Variants in KMT2C observed in about 807,000 individuals in gnomAD.
The protein encoded by KMT2C is lysine methyltransferase 2C, also known as histone-lysine N-methyltransferase 2C.
KMT2C carries 88 observed loss-of-function variants against 507.9 expected under a neutral mutation model. The ratio of observed to expected loss-of-function variants is 0.17; its 90% CI spans 0.15 to 0.21. The LOEUF (loss-of-function observed/expected upper bound fraction) is 0.21. Ranked by LOEUF, KMT2C falls within the 10% of genes least tolerant of loss-of-function variation. KMT2C has a pLI of 1.00. For synonymous variants in KMT2C, 2,049 were observed against 2,080.8 expected (o/e 0.98, Z 0.42); for missense variants, 4,954 against 5,957.8 (o/e 0.83, Z 5.55).
intron 34 of KMT2C, among the ~76,000 whole-genome samples, chr7:152,183,887 A>C (rs1442854179): frequency 7.0e-6 from 1 of 141,922 alleles, no homozygotes; most frequent in Non-Finnish European, 1.5e-5. Context: ...CAAGAGCAAA[A>C]CTCTGTCTCA....
rs992987667 is a variant in KMT2C, at chr7:152,194,067, C to T, written c.4602G>A (p.Gln1534=). Residue 1534 remains glutamine (Q), a synonymous_variant, in exon 31 of 59, where the codon CAG becomes CAA. Transcript: ENST00000262189. ...GGGGAGGCTGTGGCAATGGAGTTGGCTGAGTGTTCGCAGGACTAAGTACAG... is the reference window on the plus strand; with the variant it reads ...GGGGAGGCTGTGGCAATGGAGTTGGTTGAGTGTTCGCAGGACTAAGTACAG... ...FTAVLSPANT[Q]PTPLPQPPPP... is the part of the protein sequence containing the mutation. 1 of 1,593,674 alleles carries T rather than the reference C, an allele frequency of 6.3e-7. No homozygotes were observed. The highest frequency in any genetic ancestry group is 8.5e-7 in the Non-Finnish European group (1 of 1,173,380).
At chr7:152,296,382 C>T (rs868509822) in intron 6 of KMT2C, among the ~76,000 whole-genome samples, 3 of 148,688 alleles carry the variant, frequency 2.0e-5, no homozygotes, top group Non-Finnish European at 4.4e-5. Context: ...TGCAGTGAGC[C>T]GAGATCGCGC....
chr7:152,330,473 A>C, intron 3 of KMT2C, 128 bp downstream of exon 3: 1 of 870,764 alleles, frequency 1.1e-6, no homozygotes, highest in East Asian at 2.4e-5. Flanking sequence ...CTTCAAATTT[A>C]GCTACTAAAT....
chr7:152,314,661 C>A (rs2096706878), intron 4 of KMT2C, among the ~76,000 whole-genome samples: 1 of 151,930 alleles, frequency 6.6e-6, no homozygotes, highest in Non-Finnish European at 1.5e-5. Context: ...AAATAAATGA[C>A]TGAATGGATT....
chr7:152,148,349 A>G lies in KMT2C; in HGVS notation c.13578T>C (p.Tyr4526=). ...TCTGTCGCACCTCATCACGCTGAAC[A>G]TAGACCCTCCTGAAGACTGCAAAGT... is the stretch of plus-strand genomic sequence containing the variant. ...LSYFAVFRRV[Y]VQRDEVRQIA... Residue 4526 remains tyrosine (Y), a synonymous_variant, in exon 52 of 59, where the codon TAT becomes TAC. Coordinates refer to ENST00000262189, the MANE Select transcript of KMT2C (RefSeq NM_170606.3). This position sits in a 1 kb window ranked among gnomAD's most constrained non-coding sequence, Gnocchi z 7.1. 2.5e-6 allele frequency: 4 copies of G among 1,614,284 alleles called. No homozygotes were observed. The highest frequency in any genetic ancestry group is 3.4e-6 in the Non-Finnish European group (4 of 1,180,052).
chr7:152,163,915 C>A (rs1163613316), intron 42 of KMT2C, 89 bp from the exon 43 acceptor site: 1 of 1,308,464 alleles, frequency 7.6e-7, no homozygotes, highest in Non-Finnish European at 1.1e-6. Flanking sequence ...TGAGGTTACA[C>A]AGAGGGCAGT....
At chr7:152,190,110 G>A (rs755879892) in intron 31 of KMT2C, among the ~76,000 whole-genome samples, 2 of 152,128 alleles carry the variant, frequency 1.3e-5, no homozygotes, top group African/African-American at 2.4e-5. Context: ...CAGTTTCATC[G>A]CAAAACCATT....
At chr7:152,258,724 CCA>C (rs1423718046) in intron 9 of KMT2C, among the ~76,000 whole-genome samples, 2 of 152,106 alleles carry the variant, frequency 1.3e-5, no homozygotes, top group Non-Finnish European at 2.9e-5. Flanking sequence ...CAGGGTTTCA[CCA>C]TGTTGGCCAG....
intron 6 of KMT2C, among the ~76,000 whole-genome samples, chr7:152,302,526 T>C (rs2129194184): frequency 6.6e-6 from 1 of 151,962 alleles, no homozygotes; most frequent in Non-Finnish European, 1.5e-5. Context: ...CTGAACATTT[T>C]ATTCAGAAAT....
At chr7:152,346,418 G>A (rs1033133496) in intron 2 of KMT2C, among the ~76,000 whole-genome samples, 9 of 151,964 alleles carry the variant, frequency 5.9e-5, no homozygotes, top group Admixed American at 5.9e-4. Context: ...ACTAGAATTC[G>A]GTAACAGAAA....
At chr7:152,251,387 T>C (rs1328688811) in intron 11 of KMT2C, among the ~76,000 whole-genome samples, 1 of 152,208 alleles carries the variant, frequency 6.6e-6, no homozygotes, top group African/African-American at 2.4e-5. Context: ...TTAAGATGTT[T>C]AGTTATCCTT....
At chr7:152,396,182 G>A (rs1007821694) in intron 1 of KMT2C, among the ~76,000 whole-genome samples, 5 of 152,140 alleles carry the variant, frequency 3.3e-5, no homozygotes, top group African/African-American at 1.2e-4. Context: ...TAAACTGAAT[G>A]TGCCTTTTCC....
rs538605920 is a variant in KMT2C at position 152,217,029 on chromosome 7, A to T, written c.3712+3494T>A. On this transcript the variant is annotated intron_variant, in intron 23 of 58. Transcript: ENST00000262189. Reference sequence around the variant, plus strand: ...TGAGAACACTAGCATCAAAGAAGTTAAAAAATTTGCCTAAAAACACCCAGA... The same window carrying T: ...TGAGAACACTAGCATCAAAGAAGTTTAAAAATTTGCCTAAAAACACCCAGA... Among the ~76,000 whole-genome samples, 13 of 152,324 alleles carry T rather than the reference A, an allele frequency of 8.5e-5. No individual in the cohort carries two copies. The East Asian group carries it at 2.3e-3, about 27-fold the overall frequency.
intron 1 of KMT2C, among the ~76,000 whole-genome samples, chr7:152,390,679 A>C (rs2097485845): frequency 1.3e-5 from 2 of 152,150 alleles, no homozygotes; most frequent in Non-Finnish European, 1.5e-5. Context: ...CATACAACTA[A>C]GAAATGAAAG....
chr7:152,273,557 G>A (rs201429539), intron 7 of KMT2C, 148 bp downstream of exon 7: 13 of 776,350 alleles, frequency 1.7e-5, no homozygotes, highest in African/African-American at 1.3e-4. Context: ...CCTCCCCAGC[G>A]ATCCCTGGCA....
chr7:152,160,878 T>C lies in KMT2C; in HGVS notation c.11460+1239A>G, dbSNP rs2092414825. ...TTAAGTGGTACAACAGAAATCGCTA[T>C]GTGAGAACACGAGCATCAACACATA... On this transcript the variant is annotated intron_variant, in intron 43 of 58. Coordinates refer to ENST00000262189, the MANE Select transcript of KMT2C (RefSeq NM_170606.3). Among the ~76,000 whole-genome samples, 3 of 152,146 alleles carry C rather than the reference T, an allele frequency of 2.0e-5. No individual in the cohort carries two copies. The East Asian group carries it at 5.8e-4, about 29-fold the overall frequency.
chr7:152,318,014 C>T (rs975804822), intron 3 of KMT2C, among the ~76,000 whole-genome samples: 7 of 151,572 alleles, frequency 4.6e-5, no homozygotes, highest in Admixed American at 2.6e-4. Context: ...GGCAGGCGCC[C>T]GTAATCCAAG....
intron 2 of KMT2C, among the ~76,000 whole-genome samples, chr7:152,342,287 T>G (rs2097002600): frequency 6.6e-6 from 1 of 152,196 alleles, no homozygotes; most frequent in African/African-American, 2.4e-5. Context: ...TCACAAATGG[T>G]AATCTTGATA....
rs149250254 is a variant in KMT2C, at chr7:152,252,671, C to A, written c.1344G>T (p.Gln448His). Residue 448 changes from glutamine to histidine, a missense_variant, in exon 10 of 59, where the codon CAG becomes CAT. Around this residue, in one of 29 missense-constraint regions of KMT2C, gnomAD observed 376 missense variants for 352.4 expected, o/e 1.07. Transcript: ENST00000262189. The stretch of plus-strand genomic sequence containing the variant: ...CACATATCAGGCAATTGTGGTGCCA[C>A]TGAGAACTAGACCGTGTGCCACACT... ...CIECGTRSSS[Q>H]WHHNCLICDN... 1.5e-3 allele frequency: 2,441 copies of A among 1,613,630 alleles called. 3 individuals are homozygous for A. Among genetic ancestry groups the A allele is most frequent in the Non-Finnish European group, 2.0e-3 (2,332 of 1,179,718 alleles).
Sources: gnomAD v4.1 joint callset for allele counts (sites outside exome capture counted in the v4.1 genomes callset) on GRCh38, gnomAD v4.1.1 for gene constraint, gnomAD v4.1.1 regional missense constraint, Gnocchi (gnomAD v3.1) non-coding constraint, MANE v1.5 for transcripts, NCBI Gene and HGNC (gene_info 2026-07-23, HGNC 2026-07-21) for gene names.